ADAP1: variants seen among roughly 807,000 people sequenced by gnomAD.
The protein encoded by ADAP1 is ArfGAP with dual PH domains 1, also known as arf-GAP with dual PH domain-containing protein 1.
A neutral mutation model predicts 54.9 loss-of-function variants in ADAP1; 31 were observed. The observed-to-expected ratio is 0.56, with a 90% CI of 0.42 to 0.76. The LOEUF (loss-of-function observed/expected upper bound fraction) is 0.76. Ranked by LOEUF, ADAP1 falls within the 30% of genes least tolerant of loss-of-function variation. The pLI, the probability that ADAP1 is intolerant of heterozygous loss-of-function variation, is 0.00. For synonymous variants in ADAP1, 313 were observed against 202.6 expected (o/e 1.55, Z -4.63); for missense variants, 535 against 512.4 (o/e 1.04, Z -0.42).
intron 6 of ADAP1, chr7:901,133 C>T (rs981748038): frequency 4.7e-6 from 2 of 425,680 alleles, no homozygotes; most frequent in Admixed American, 2.6e-5. Context: ...CTCCAGGGAG[C>T]CGCCCTGGTC....
chr7:898,255 G>A lies in ADAP1; in HGVS notation c.*666C>T, dbSNP rs892025523. The A allele has an allele frequency of 1.3e-5, 2 of 155,970 alleles. No individual in the cohort carries two copies. The highest frequency in any genetic ancestry group is 2.4e-5 in the African/African-American group (1 of 41,484). 9.7% of individuals were successfully genotyped at this position (155,970 alleles called of 1,614,324 possible). A position where few individuals can be genotyped will look rare whatever the true frequency, so the allele number is the denominator to read the frequency against. ...GCGGCCCAGGCCCTCGTCCCCAAGG[G>A]TTCAGACACCACTGTCGGCGAGCAC... On this transcript the variant is annotated 3_prime_UTR_variant, in exon 11 of 11. Transcript: ENST00000265846.
At chr7:904,981 G>C (rs541162812) in intron 5 of ADAP1, 79 bp downstream of exon 5, 6 of 1,275,496 alleles carry the variant, frequency 4.7e-6, no homozygotes, top group Non-Finnish European at 6.7e-6. Context: ...GGATGGACGC[G>C]GCCACCACAG....
At chr7:929,514 CAA>C (rs71020548) in intron 2 of ADAP1, among the ~76,000 whole-genome samples, 3 of 89,400 alleles carry the variant, frequency 3.4e-5, no homozygotes, top group African/African-American at 9.6e-5. Flanking sequence ...CACCCTGTCT[CAA>C]AAAAAAAAAA....
intron 2 of ADAP1, among the ~76,000 whole-genome samples, chr7:934,398 C>G (rs1025412643): frequency 6.7e-6 from 1 of 148,938 alleles, no homozygotes; most frequent in Non-Finnish European, 1.5e-5. Flanking sequence ...AGAGGGGGGG[C>G]CCAGGGTCAA....
chr7:932,416 A>G (rs1846614555), intron 2 of ADAP1, among the ~76,000 whole-genome samples: 1 of 152,024 alleles, frequency 6.6e-6, no homozygotes, highest in African/African-American at 2.4e-5. Flanking sequence ...TTTGCCCTGG[A>G]ATTATGGGGA....
intron 3 of ADAP1, among the ~76,000 whole-genome samples, chr7:925,246 G>A (rs370215229): frequency 6.6e-6 from 1 of 152,126 alleles, no homozygotes; most frequent in Middle Eastern, 3.4e-3. Context: ...AAGACCCCGG[G>A]AGGGCCGGTT....
intron 4 of ADAP1, among the ~76,000 whole-genome samples, chr7:914,000 A>T (rs998188706): frequency 6.6e-6 from 1 of 152,198 alleles, no homozygotes; most frequent in Non-Finnish European, 1.5e-5. Flanking sequence ...TAACAGAGGG[A>T]TGGAGTGGGG....
At chr7:940,324 A>T (rs1846908678) in intron 1 of ADAP1, among the ~76,000 whole-genome samples, 1 of 125,014 alleles carries the variant, frequency 8.0e-6, no homozygotes. Context: ...GGTGTCACAG[A>T]CCCTGTCACA....
chr7:916,384 G>A (rs1845933560), intron 4 of ADAP1, among the ~76,000 whole-genome samples: 1 of 152,198 alleles, frequency 6.6e-6, no homozygotes, highest in South Asian at 2.1e-4. Flanking sequence ...AGTGAAGTTG[G>A]ATTTTCCATC....
At chr7:903,315 G>A (rs1334611376) in intron 6 of ADAP1, among the ~76,000 whole-genome samples, 1 of 151,846 alleles carries the variant, frequency 6.6e-6, no homozygotes, top group African/African-American at 2.4e-5. Flanking sequence ...GGGAGGGGAT[G>A]GAAAGAGCTG....
chr7:954,254 G>T, intron 1 of ADAP1, 142 bp downstream of exon 1: 1 of 830,988 alleles, frequency 1.2e-6, no homozygotes, highest in Non-Finnish European at 1.5e-6. Flanking sequence ...TCCGAGCGCC[G>T]ATCCGGCCCG....
chr7:905,564 A>AGAAGGGAGAAGGGAGAGG (rs1845168456), intron 4 of ADAP1: 1 of 54,920 alleles, frequency 1.8e-5, no homozygotes, highest in Non-Finnish European at 4.0e-5. Context: ...GAAAGGAGAA[A>AGAAGGGAGAAGGGAGAGG]GGAGAAAGGA....
In ADAP1 at chr7:900,524, G is replaced by A. The variant is rs762327390; in HGVS notation, c.732+9C>T. ...CTGCCCTGGAGCTGACCGCAGGGCC[G>A]CCACTCACATCTGCGTCGCCGGCCC... On this transcript the variant is annotated intron_variant, in intron 7 of 10. Coordinates refer to ENST00000265846, the MANE Select transcript of ADAP1 (RefSeq NM_006869.4). 41 of 1,544,306 alleles carry A rather than the reference G, an allele frequency of 2.7e-5. No homozygotes were observed. The highest frequency in any genetic ancestry group is 3.3e-5 in the Non-Finnish European group (37 of 1,134,934).
At chr7:955,055 C>G (rs1397781516), upstream of ADAP1, among the ~76,000 whole-genome samples, 1 of 152,150 alleles carries the variant, frequency 6.6e-6, no homozygotes, top group South Asian at 2.1e-4. Flanking sequence ...GGACCAGGAC[C>G]AGGGCGCTCA....
In ADAP1 at chr7:900,903, T is replaced by TC. The variant is rs1554270402; in HGVS notation, c.649-288_649-287insG. On this transcript the variant is annotated intron_variant, in intron 6 of 10. Transcript: ENST00000265846. ...GCCGAAGGGCCGGGCCGGGCCGGGCTGGACAGGGTCGGGGGCTGCCATCCA... is the reference window on the plus strand; with the variant it reads ...GCCGAAGGGCCGGGCCGGGCCGGGCTCGGACAGGGTCGGGGGCTGCCATCCA... 415 of 572,736 alleles carry TC rather than the reference T, an allele frequency of 7.2e-4. 3 individuals are homozygous for TC. Among genetic ancestry groups the TC allele is most frequent in the African/African-American group, 7.1e-3 (375 of 52,728 alleles). 35.5% of individuals were successfully genotyped at this position (572,736 alleles called of 1,614,324 possible). A position where few individuals can be genotyped will look rare whatever the true frequency, so the allele number is the denominator to read the frequency against.
chr7:923,518 G>A (rs1032079380), intron 3 of ADAP1, among the ~76,000 whole-genome samples: 6 of 152,152 alleles, frequency 3.9e-5, no homozygotes, highest in South Asian at 2.1e-4. Flanking sequence ...AGGAAGAGAC[G>A]GGTCCCGGCC....
At chr7:906,768 T>TC (rs1554272472) in intron 4 of ADAP1, among the ~76,000 whole-genome samples, 1,933 of 24,656 alleles carry the variant, frequency 0.078, 291 homozygotes, top group Middle Eastern at 0.17. Context: ...ACAGGGGACA[T>TC]GGGGGACAGG....
intron 4 of ADAP1, among the ~76,000 whole-genome samples, chr7:910,080 C>A (rs948765766): frequency 7.2e-5 from 11 of 152,148 alleles, no homozygotes; most frequent in Non-Finnish European, 1.0e-4. Flanking sequence ...CACACACAGG[C>A]GCCCGACTGT....
At chr7:936,917 G>C (rs543419688) in intron 1 of ADAP1, among the ~76,000 whole-genome samples, 42 of 152,250 alleles carry the variant, frequency 2.8e-4, no homozygotes, top group Admixed American at 9.8e-4. Context: ...TGGCTGGTGG[G>C]GGACTCCCAT....
Sources: gnomAD v4.1 joint callset for allele counts (sites outside exome capture counted in the v4.1 genomes callset) on GRCh38, gnomAD v4.1.1 for gene constraint, MANE v1.5 for transcripts, NCBI Gene and HGNC (gene_info 2026-07-23, HGNC 2026-07-21) for gene names.